The following SLC35D1 variants were observed in gnomAD, a reference collection of about 807,000 sequenced individuals.
SLC35D1 encodes nucleotide sugar transporter SLC35D1.
SLC35D1 carries 31 observed loss-of-function variants against 46.7 expected under a neutral mutation model. The observed-to-expected ratio is 0.66, with a 90% CI of 0.50 to 0.90. The LOEUF (loss-of-function observed/expected upper bound fraction) is 0.90. SLC35D1 is among the 40% of genes least tolerant of loss of function. The pLI, the probability that SLC35D1 is intolerant of heterozygous loss-of-function variation, is 0.00. For synonymous variants in SLC35D1, 195 were observed against 164.6 expected, an observed-to-expected ratio of 1.18 and a Z score of -1.41; for missense variants, 397 against 426.2, an observed-to-expected ratio of 0.93 and a Z score of 0.60.
downstream of SLC35D1, among the ~76,000 whole-genome samples, chr1:66,997,998 T>C (rs1285559498): frequency 6.6e-6 from 1 of 151,736 alleles, no homozygotes; most frequent in African/African-American, 2.4e-5. Flanking sequence ...ATCACATCCA[T>C]TAGGACGGCT....
intron 8 of SLC35D1, among the ~76,000 whole-genome samples, chr1:67,023,996 G>C (rs1203615924): frequency 6.6e-6 from 1 of 150,474 alleles, no homozygotes; most frequent in African/African-American, 2.5e-5. Context: ...CCAGGCTGGA[G>C]TGCAGTGGCA....
At chr1:67,013,737 G>C (rs1018462816) in intron 10 of SLC35D1, among the ~76,000 whole-genome samples, 1 of 152,132 alleles carries the variant, frequency 6.6e-6, no homozygotes, top group Non-Finnish European at 1.5e-5. Context: ...ACTTGTGTGT[G>C]TGTGAGAGAT....
chr1:67,018,106 A>G (rs982032614), intron 10 of SLC35D1, among the ~76,000 whole-genome samples: 1 of 152,192 alleles, frequency 6.6e-6, no homozygotes, highest in Admixed American at 6.6e-5. Flanking sequence ...GAAACTTCAA[A>G]ATTATTTTTC....
chr1:67,047,035 G>A (rs941217373), intron 7 of SLC35D1, among the ~76,000 whole-genome samples: 42 of 152,078 alleles, frequency 2.8e-4, no homozygotes, highest in African/African-American at 8.7e-4. Flanking sequence ...TACCCCACAC[G>A]AAGTCAAAAT....
At chr1:67,034,422 TAAGTTA>T (rs775458575) in intron 8 of SLC35D1, among the ~76,000 whole-genome samples, 2 of 152,186 alleles carry the variant, frequency 1.3e-5, no homozygotes, top group Admixed American at 6.5e-5. Context: ...TGGTTAATTT[TAAGTTA>T]AAGTATTTTA....
intron 4 of SLC35D1, 138 bp downstream of exon 4, chr1:67,051,874 T>C (rs1315067099): frequency 3.4e-6 from 2 of 593,542 alleles, no homozygotes; most frequent in Non-Finnish European, 6.0e-6. Context: ...CCACTTTCAT[T>C]ATTTAGTAGT....
Position 67,020,426 on chromosome 1 carries a change from T to C in SLC35D1, c.819A>G (p.Thr273=). The C allele has an allele frequency of 6.2e-7, 1 of 1,610,046 alleles. No homozygotes were observed. The highest frequency in any genetic ancestry group is 8.5e-7 in the Non-Finnish European group (1 of 1,176,392). The part of the protein sequence containing the change: ...CVMGFILMYA[T]VLCTQYNSAL... ...CAGAATTATACTGCGTGCAGAGTAC[T>C]GTGGCGTACATTAAGATAAACCTAG... is the stretch of plus-strand genomic sequence containing the variant. Residue 273 remains threonine, a synonymous_variant, in exon 10 of 12, where the codon ACA becomes ACG. Transcript: ENST00000235345.
chr1:66,984,743 C>T, the SLC35D1 span: 1 of 1,613,970 alleles, frequency 6.2e-7, no homozygotes, highest in Non-Finnish European at 8.5e-7. Context: ...GCCCATATGA[C>T]TGCAAGAAAT....
At chr1:67,006,420 C>T (rs531081751) in intron 11 of SLC35D1, among the ~76,000 whole-genome samples, 8 of 152,278 alleles carry the variant, frequency 5.3e-5, no homozygotes, top group African/African-American at 1.4e-4. Flanking sequence ...CCTCCAAACC[C>T]ACCCCAAAAC....
At chr1:67,021,398 C>T in intron 9 of SLC35D1, 137 bp downstream of exon 9, 1 of 908,122 alleles carries the variant, frequency 1.1e-6, no homozygotes, top group Admixed American at 1.9e-5. Context: ...AGCTATGAAA[C>T]CACCTGAATC....
chr1:66,979,241 TTC>T, the SLC35D1 span, among the ~76,000 whole-genome samples: 1 of 152,238 alleles, frequency 6.6e-6, no homozygotes, highest in Non-Finnish European at 1.5e-5. Context: ...TCTGGTTTGC[TTC>T]CATTACCATC....
chr1:67,002,459 A>G lies in SLC35D1; in HGVS notation c.*1881T>C, dbSNP rs903647021. On this transcript the variant is annotated 3_prime_UTR_variant, in exon 12 of 12. Transcript: ENST00000235345. Reference sequence around the variant, plus strand: ...AGGACATGGGTTTGATGTATTAGCAAGTCATCTTTCTCTGAGTTTTGTTTT... The same window carrying G: ...AGGACATGGGTTTGATGTATTAGCAGGTCATCTTTCTCTGAGTTTTGTTTT... 2.0e-5 allele frequency: 3 copies of G among 152,384 alleles called. No homozygotes were observed. The highest frequency in any genetic ancestry group is 4.4e-5 in the Non-Finnish European group (3 of 68,060). 9.4% of individuals were successfully genotyped at this position (152,384 alleles called of 1,614,324 possible).
chr1:66,985,504 A>C, the SLC35D1 span: 1 of 983,880 alleles, frequency 1.0e-6, no homozygotes, highest in South Asian at 4.7e-5. Context: ...TGTTGACATC[A>C]ATGATGTCTT....
intron 11 of SLC35D1, among the ~76,000 whole-genome samples, chr1:67,006,379 G>A (rs1049962533): frequency 2.0e-5 from 3 of 152,024 alleles, no homozygotes; most frequent in African/African-American, 7.2e-5. Flanking sequence ...TCACATGTAC[G>A]TCCACCCACA....
chr1:67,001,636 C>T lies in SLC35D1; in HGVS notation c.*2704G>A, dbSNP rs1460931837. ...AGTTAACAGGACAAAGAATTTCTGC[C>T]TAGTAAATATCAAACATGGGGCAAA... On this transcript the variant is annotated 3_prime_UTR_variant, in exon 12 of 12. Coordinates refer to ENST00000235345, the MANE Select transcript of SLC35D1 (RefSeq NM_015139.3). 2 of 152,342 alleles carry T rather than the reference C, an allele frequency of 1.3e-5. No homozygotes were observed. Among genetic ancestry groups the T allele is most frequent in the Non-Finnish European group, 2.9e-5 (2 of 68,046 alleles). 9.4% of individuals were successfully genotyped at this position (152,342 alleles called of 1,614,324 possible). A position where few individuals can be genotyped will look rare whatever the true frequency, so the allele number is the denominator to read the frequency against.
At chr1:67,037,250 T>G (rs1444953667) in intron 8 of SLC35D1, among the ~76,000 whole-genome samples, 1 of 152,162 alleles carries the variant, frequency 6.6e-6, no homozygotes, top group African/African-American at 2.4e-5. Flanking sequence ...AGTGTATAAG[T>G]AGATATTTTG....
In SLC35D1 at chr1:67,003,458, T is replaced by C. The variant is rs1267555790; in HGVS notation, c.*882A>G. On this transcript the variant is annotated 3_prime_UTR_variant, in exon 12 of 12. Coordinates refer to ENST00000235345, the MANE Select transcript of SLC35D1 (RefSeq NM_015139.3). ...AATTTACAGATTTGCGGCTTTTGAG[T>C]GCTGAAACAACTTACTCTTAGTGAC... 6.6e-6 allele frequency: 1 copy of C among 152,188 alleles called. No individual in the cohort carries two copies. Among genetic ancestry groups the C allele is most frequent in the Non-Finnish European group, 1.5e-5 (1 of 68,036 alleles). 9.4% of individuals were successfully genotyped at this position (152,188 alleles called of 1,614,324 possible). A position where few individuals can be genotyped will look rare whatever the true frequency, so the allele number is the denominator to read the frequency against.
the SLC35D1 span, among the ~76,000 whole-genome samples, chr1:66,984,091 CTT>C: frequency 1.3e-5 from 2 of 152,176 alleles, no homozygotes; most frequent in Admixed American, 6.5e-5. Context: ...TGACATCTTG[CTT>C]TTATATGGCA....
In SLC35D1 at chr1:67,043,897, T is replaced by C. The variant is rs117890943; in HGVS notation, c.637-1569A>G. Reference sequence around the variant, plus strand: ...AGGCCAGGGTTTGAGAGGTGGGAAGTGGGGACAGTGAGGGAGTGGTAAGGA... The same window carrying C: ...AGGCCAGGGTTTGAGAGGTGGGAAGCGGGGACAGTGAGGGAGTGGTAAGGA... On this transcript the variant is annotated intron_variant, in intron 7 of 11. Transcript: ENST00000235345. Among the ~76,000 whole-genome samples the C allele has an allele frequency of 3.3e-5, 5 of 152,174 alleles. No homozygotes were observed. The East Asian group carries it at 9.7e-4, about 29-fold the overall frequency.
Sources: gnomAD v4.1 joint callset for allele counts (sites outside exome capture counted in the v4.1 genomes callset) on GRCh38, gnomAD v4.1.1 for gene constraint, MANE v1.5 for transcripts, NCBI Gene and HGNC (gene_info 2026-07-23, HGNC 2026-07-21) for gene names.